Variants in BBS4 observed in about 807,000 individuals in gnomAD.
The protein encoded by BBS4 is Bardet-Biedl syndrome 4, also known as BBSome complex member BBS4.
Under a neutral mutation model 71.4 loss-of-function variants are expected in BBS4, and 58 were observed. The observed-to-expected ratio is 0.81, with a 90% CI of 0.66 to 1.01. The LOEUF (loss-of-function observed/expected upper bound fraction) is 1.01, where lower values mean the gene tolerates loss of function less well. BBS4 is among the 50% of genes least tolerant of loss of function. BBS4 has a pLI of 0.00. For missense variants in BBS4, 660 were observed against 607.9 expected (o/e 1.09, Z -0.90); for synonymous variants, 228 against 216.8 (o/e 1.05, Z -0.46).
At position 72,738,181 on chromosome 15, in the gene BBS4, C is replaced by A. The variant is rs1030498101; in HGVS notation, c.*594C>A. 1 of 451,088 alleles carries A rather than the reference C, an allele frequency of 2.2e-6. No homozygotes were observed. The highest frequency in any genetic ancestry group is 4.4e-6 in the Non-Finnish European group (1 of 225,644). The allele number at this position is 451,088 out of a possible 1,614,324, so 27.9% of individuals were successfully genotyped here. ...GCCCAAAGGGAATCCAGAACAAGTCCCTCCCTGTATTTTGTTCTTGAGAGG... is the reference window on the plus strand; with the variant it reads ...GCCCAAAGGGAATCCAGAACAAGTCACTCCCTGTATTTTGTTCTTGAGAGG... On this transcript the variant is annotated 3_prime_UTR_variant, in exon 16 of 16. Coordinates refer to ENST00000268057, the MANE Select transcript of BBS4 (RefSeq NM_033028.5).
At chr15:72,731,849 T>A (rs1370066798) in intron 12 of BBS4, 123 bp downstream of exon 12, 1 of 1,217,862 alleles carries the variant, frequency 8.2e-7, no homozygotes, top group Non-Finnish European at 1.2e-6. Context: ...TGTAGGAATC[T>A]GGATTACTGT....
At chr15:72,735,224 C>T (rs2065898393) in intron 13 of BBS4, 42 bp downstream of exon 13, 2 of 1,500,922 alleles carry the variant, frequency 1.3e-6, no homozygotes, top group East Asian at 2.3e-5. Flanking sequence ...GGGTTGGACT[C>T]TCCAAAGCCA....
At chr15:72,737,387 T>C (rs191183826) in intron 15 of BBS4, 91 bp from the exon 16 acceptor site, 4 of 1,109,188 alleles carry the variant, frequency 3.6e-6, no homozygotes, top group South Asian at 1.3e-5. Flanking sequence ...CCAGAAAATA[T>C]GGGGTTTCCT....
At chr15:72,688,983 CT>C (rs1470843099) in intron 1 of BBS4, among the ~76,000 whole-genome samples, 1 of 151,864 alleles carries the variant, frequency 6.6e-6, no homozygotes, top group African/African-American at 2.4e-5. Flanking sequence ...AGCTGTTCTC[CT>C]TTCTTTCTTC....
chr15:72,700,701 A>G (rs1434577162), intron 2 of BBS4, among the ~76,000 whole-genome samples: 4 of 151,966 alleles, frequency 2.6e-5, no homozygotes, highest in African/African-American at 9.7e-5. Flanking sequence ...ATATGTGGTA[A>G]GTATTTCCCC....
chr15:72,713,757 G>A (rs1276078492), intron 4 of BBS4, among the ~76,000 whole-genome samples: 4 of 152,240 alleles, frequency 2.6e-5, no homozygotes, highest in Admixed American at 6.5e-5. Context: ...TTGCTATGAC[G>A]TCACTGGGCA....
intron 5 of BBS4, among the ~76,000 whole-genome samples, chr15:72,715,738 A>C (rs886270858): frequency 6.6e-6 from 1 of 152,198 alleles, no homozygotes; most frequent in African/African-American, 2.4e-5. Context: ...TACTCTTCTA[A>C]CACTTAGTAT....
intron 5 of BBS4, 128 bp from the exon 6 acceptor site, chr15:72,716,650 C>G: frequency 1.3e-6 from 1 of 747,154 alleles, no homozygotes. Flanking sequence ...CAAACCAGCA[C>G]AACCACCTCA....
intron 1 of BBS4, among the ~76,000 whole-genome samples, chr15:72,692,430 C>T (rs187922044): frequency 6.7e-6 from 1 of 148,986 alleles, no homozygotes; most frequent in African/African-American, 2.5e-5. Context: ...ATCCTTCCAC[C>T]TCAGCCTCCC....
chr15:72,711,975 C>T (rs192961880), intron 3 of BBS4, among the ~76,000 whole-genome samples: 3 of 152,084 alleles, frequency 2.0e-5, no homozygotes, highest in Non-Finnish European at 4.4e-5. Context: ...TCAAGCGATT[C>T]TCCTTCCTCA....
intron 7 of BBS4, among the ~76,000 whole-genome samples, chr15:72,723,799 C>T (rs897585980): frequency 3.9e-5 from 6 of 152,150 alleles, no homozygotes; most frequent in Admixed American, 3.3e-4. Flanking sequence ...TCTTCAGAGA[C>T]AATTTCAAAC....
intron 1 of BBS4, among the ~76,000 whole-genome samples, chr15:72,691,161 T>C (rs370556159): frequency 6.6e-6 from 1 of 152,134 alleles, no homozygotes; most frequent in East Asian, 1.9e-4. Context: ...TTTGTATATT[T>C]TGTAGAGGCG....
At chr15:72,730,707 CATT>C (rs1306587364) in intron 10 of BBS4, among the ~76,000 whole-genome samples, 2 of 152,132 alleles carry the variant, frequency 1.3e-5, no homozygotes, top group African/African-American at 2.4e-5. Flanking sequence ...GGATGAACAT[CATT>C]GAGGAGATGC....
At position 72,731,573 on chromosome 15, in the gene BBS4, C is replaced by G. The variant is rs775710800; in HGVS notation, c.883C>G (p.Arg295Gly). 1 of 1,614,166 alleles carries G rather than the reference C, an allele frequency of 6.2e-7. No homozygotes were observed. The change falls in exon 12 of 16, where the codon CGA becomes GGA. Residue 295 changes from arginine to glycine, a missense_variant. Transcript: ENST00000268057. Reference sequence around the variant, plus strand: ...CTCATAGGCCATCAGCTGCCTGAAACGAGCCAACTACTTGGCACCCTTTGA... The same window carrying G: ...CTCATAGGCCATCAGCTGCCTGAAAGGAGCCAACTACTTGGCACCCTTTGA... The part of the protein sequence containing the change: ...KYVAAISCLK[R>G]ANYLAPFDWK...
At chr15:72,703,903 T>A (rs1004134496) in intron 2 of BBS4, among the ~76,000 whole-genome samples, 5 of 152,214 alleles carry the variant, frequency 3.3e-5, no homozygotes, top group African/African-American at 1.2e-4. Flanking sequence ...AAGGTTTGAT[T>A]TTTGAGCCTA....
At chr15:72,694,238 C>G (rs571554782) in intron 1 of BBS4, among the ~76,000 whole-genome samples, 2 of 146,622 alleles carry the variant, frequency 1.4e-5, no homozygotes, top group African/African-American at 2.5e-5. Context: ...TTGCCCAGGC[C>G]GGGGGGCGAT....
chr15:72,731,677 G>A lies in BBS4; in HGVS notation c.987G>A (p.Ala329=), dbSNP rs1296549307. Residue 329 remains alanine (A), a synonymous_variant, in exon 12 of 16, where the codon GCG becomes GCA. Transcript: ENST00000268057. ...CATCAGCTTTTCATTTTCTCAGTGC[G>A]GCCATCAACTTCCAGCCAAAGATGG... ...QYASAFHFLS[A]AINFQPKMGE... is the part of the protein sequence containing the mutation. The A allele has an allele frequency of 7.4e-6, 12 of 1,613,994 alleles. No individual in the cohort carries two copies. Among genetic ancestry groups the A allele is most frequent in the African/African-American group, 1.3e-5 (1 of 74,890 alleles).
At chr15:72,714,571 G>A (rs2065435593) in intron 4 of BBS4, among the ~76,000 whole-genome samples, 1 of 152,106 alleles carries the variant, frequency 6.6e-6, no homozygotes. Context: ...AGCATTCTTA[G>A]TTTTTCCAGG....
intron 2 of BBS4, among the ~76,000 whole-genome samples, chr15:72,703,822 C>T (rs1241467455): frequency 6.6e-6 from 1 of 151,998 alleles, no homozygotes; most frequent in Non-Finnish European, 1.5e-5. Flanking sequence ...AAAATCTGAA[C>T]CATAATAATT....
Sources: gnomAD v4.1 joint callset for allele counts (sites outside exome capture counted in the v4.1 genomes callset) on GRCh38, gnomAD v4.1.1 for gene constraint, MANE v1.5 for transcripts, NCBI Gene and HGNC (gene_info 2026-07-23, HGNC 2026-07-21) for gene names.